The following APPBP2 variants were observed in gnomAD, a reference collection of about 807,000 sequenced individuals.
The protein encoded by APPBP2 is amyloid beta precursor protein binding protein 2.
A neutral mutation model predicts 76.0 loss-of-function variants in APPBP2; 15 were observed. The ratio of observed to expected loss-of-function variants is 0.20; its 90% CI spans 0.13 to 0.30. The LOEUF (loss-of-function observed/expected upper bound fraction) is 0.30, where lower values mean the gene tolerates loss of function less well. Among genes scored for constraint, APPBP2 ranks in the 10% least tolerant of loss-of-function variants. APPBP2 has a pLI of 1.00. For missense variants in APPBP2, 401 were observed against 687.2 expected, an observed-to-expected ratio of 0.58 and a Z score of 4.66; for synonymous variants, 222 against 242.2, an observed-to-expected ratio of 0.92 and a Z score of 0.77.
intron 12 of APPBP2, among the ~76,000 whole-genome samples, chr17:60,449,383 G>A (rs888345280): frequency 6.6e-6 from 1 of 152,214 alleles, no homozygotes. Context: ...CCTGAGGTCA[G>A]AAGTTCGAGA....
chr17:60,450,870 A>G (rs1319230107), intron 12 of APPBP2, among the ~76,000 whole-genome samples: 1 of 152,222 alleles, frequency 6.6e-6, no homozygotes, highest in Non-Finnish European at 1.5e-5. Context: ...GATGATATCT[A>G]TGACACATGT....
At chr17:60,496,407 A>G (rs541520907) in intron 2 of APPBP2, 1 of 152,346 alleles carries the variant, frequency 6.6e-6, no homozygotes, top group African/African-American at 2.4e-5. Context: ...TACATAAAAC[A>G]CTTACCAAAG....
chr17:60,516,690 T>C (rs1310513387), intron 1 of APPBP2, among the ~76,000 whole-genome samples: 1 of 152,206 alleles, frequency 6.6e-6, no homozygotes, highest in African/African-American at 2.4e-5. Context: ...CATTCATAAG[T>C]GTATATATCT....
intron 1 of APPBP2, among the ~76,000 whole-genome samples, chr17:60,509,327 C>T (rs1383711028): frequency 6.6e-6 from 1 of 151,002 alleles, no homozygotes. Flanking sequence ...TGTAGTGAGC[C>T]GAGATTGCGC....
intron 1 of APPBP2, among the ~76,000 whole-genome samples, chr17:60,514,132 T>A (rs1371421609): frequency 6.7e-6 from 1 of 150,028 alleles, no homozygotes; most frequent in Non-Finnish European, 1.5e-5. Flanking sequence ...TGCGGCAAAA[T>A]CTCATCTCTA....
chr17:60,521,922 C>A (rs2091012839), intron 1 of APPBP2, among the ~76,000 whole-genome samples: 1 of 152,188 alleles, frequency 6.6e-6, no homozygotes, highest in Non-Finnish European at 1.5e-5. Context: ...TACTGTGTTA[C>A]AACTGCCTAC....
chr17:60,463,951 G>C, intron 6 of APPBP2, 70 bp downstream of exon 6: 2 of 1,084,598 alleles, frequency 1.8e-6, no homozygotes, highest in Non-Finnish European at 2.7e-6. Context: ...TTAAATAACA[G>C]GTTAATTAAA....
intron 9 of APPBP2, among the ~76,000 whole-genome samples, chr17:60,459,108 A>G (rs555819443): frequency 6.6e-6 from 1 of 152,090 alleles, no homozygotes; most frequent in Non-Finnish European, 1.5e-5. Flanking sequence ...TCAGGATTCT[A>G]ATCCTGTTCA....
At chr17:60,519,447 A>C (rs1202332021) in intron 1 of APPBP2, among the ~76,000 whole-genome samples, 1 of 148,804 alleles carries the variant, frequency 6.7e-6, no homozygotes, top group Non-Finnish European at 1.5e-5. Context: ...CGGTCTCTAC[A>C]AAAAAAAAAT....
rs965885236 is a variant in APPBP2, at chr17:60,447,501, C to G, written c.*80G>C. Reference sequence around the variant, plus strand: ...GTGTTTCAATGCAAATTCCAGCCCCCCAAAACAACATGGTTTTGATTTCAC... The same window carrying G: ...GTGTTTCAATGCAAATTCCAGCCCCGCAAAACAACATGGTTTTGATTTCAC... On this transcript the variant is annotated 3_prime_UTR_variant, in exon 13 of 13. Transcript: ENST00000083182. 18 of 1,502,908 alleles carry G rather than the reference C, an allele frequency of 1.2e-5. No individual in the cohort carries two copies. The highest frequency in any genetic ancestry group is 2.3e-5 in the East Asian group (1 of 44,052). The allele number at this position is 1,502,908 out of a possible 1,614,324, so 93.1% of individuals were successfully genotyped here. A position where few individuals can be genotyped will look rare whatever the true frequency, so the allele number is the denominator to read the frequency against.
At chr17:60,466,240 G>GT in intron 5 of APPBP2, 51 bp downstream of exon 5, 1 of 1,524,228 alleles carries the variant, frequency 6.6e-7, no homozygotes, top group Non-Finnish European at 9.0e-7. Flanking sequence ...TTTACCCTCT[G>GT]TTTTTATAGG....
chr17:60,481,922 G>C (rs2090633344), intron 3 of APPBP2, among the ~76,000 whole-genome samples: 4 of 152,158 alleles, frequency 2.6e-5, no homozygotes. Context: ...TGCTCTTGTT[G>C]CCCAGGCTAG....
chr17:60,492,646 T>C (rs2090739349), intron 3 of APPBP2, among the ~76,000 whole-genome samples: 1 of 152,220 alleles, frequency 6.6e-6, no homozygotes, highest in South Asian at 2.1e-4. Context: ...CTTTAGCTCC[T>C]TCATTTTGGC....
chr17:60,510,716 T>TG (rs1167905378), intron 1 of APPBP2, among the ~76,000 whole-genome samples: 1 of 152,042 alleles, frequency 6.6e-6, no homozygotes, highest in Non-Finnish European at 1.5e-5. Context: ...ATCCTGTTTC[T>TG]GGGGAAAAAA....
intron 3 of APPBP2, among the ~76,000 whole-genome samples, chr17:60,490,315 A>G (rs757629920): frequency 2.6e-5 from 4 of 152,148 alleles, no homozygotes; most frequent in Admixed American, 6.6e-5. Flanking sequence ...AAGCTGGAGG[A>G]ATGGTTCAAA....
At chr17:60,504,354 A>G (rs765157715) in intron 1 of APPBP2, among the ~76,000 whole-genome samples, 17 of 152,200 alleles carry the variant, frequency 1.1e-4, no homozygotes, top group Admixed American at 3.9e-4. Context: ...AACAAAATGC[A>G]AAGTTCAAAA....
At position 60,461,786 on chromosome 17, in the gene APPBP2, A is replaced by T. The variant is rs762052246; in HGVS notation, c.936+24T>A. The T allele has an allele frequency of 2.3e-5, 35 of 1,542,570 alleles. No homozygotes were observed. In the East Asian group the frequency reaches 7.4e-4, roughly 33 times the overall value. ...CAGCAAGTCAATACAGGTTGAAAGAAAAAAAGGGTAACCATTAACATACCT... is the reference window on the plus strand; with the variant it reads ...CAGCAAGTCAATACAGGTTGAAAGATAAAAAGGGTAACCATTAACATACCT... On this transcript the variant is annotated intron_variant, in intron 8 of 12. Transcript: ENST00000083182.
chr17:60,502,442 A>G (rs78452715), intron 1 of APPBP2, among the ~76,000 whole-genome samples: 2,380 of 152,346 alleles, frequency 0.016, 66 homozygotes, highest in African/African-American at 0.053. Flanking sequence ...GCGACACAAC[A>G]GTTACCAAAA....
At chr17:60,518,354 CGTGCGTGTGTGTGTGTGTGTGTGTGTGT>C (rs2090979995) in intron 1 of APPBP2, among the ~76,000 whole-genome samples, 1 of 71,708 alleles carries the variant, frequency 1.4e-5, no homozygotes. Flanking sequence ...GCCGTGTGTG[CGTGCGTGTGTGTGTGTGTGTGTGTGTGT>C]GTGTGTGTGT....
Sources: gnomAD v4.1 joint callset for allele counts (sites outside exome capture counted in the v4.1 genomes callset) on GRCh38, gnomAD v4.1.1 for gene constraint, MANE v1.5 for transcripts, NCBI Gene and HGNC (gene_info 2026-07-23, HGNC 2026-07-21) for gene names.